Variants in FAF1 observed in about 807,000 individuals in gnomAD.
FAF1 encodes the protein Fas associated factor 1.
Under a neutral mutation model 92.5 loss-of-function variants are expected in FAF1, and 25 were observed. The ratio of observed to expected loss-of-function variants is 0.27; its 90% CI spans 0.20 to 0.38. The LOEUF is 0.38. Ranked by LOEUF, FAF1 falls within the 10% of genes least tolerant of loss-of-function variation. The pLI, the probability that FAF1 is intolerant of heterozygous loss-of-function variation, is 1.00. For synonymous variants in FAF1, 234 were observed against 273.2 expected, an observed-to-expected ratio of 0.86 and a Z score of 1.42; for missense variants, 636 against 793.3, an observed-to-expected ratio of 0.80 and a Z score of 2.38.
In FAF1 at chr1:50,611,529, A is replaced by G. The variant is rs1333951070; in HGVS notation, c.745-15313T>C. Among the ~76,000 whole-genome samples, 6 of 152,320 alleles carry G rather than the reference A, an allele frequency of 3.9e-5. No homozygotes were observed. The South Asian group carries it at 1.0e-3, about 26-fold the overall frequency. On this transcript the variant is annotated intron_variant, in intron 8 of 18. Coordinates refer to ENST00000396153, the MANE Select transcript of FAF1 (RefSeq NM_007051.3). The stretch of plus-strand genomic sequence containing the variant: ...CTTGAGTTAATTACTTTCTGCGGAT[A>G]GCAGATTTTAAAAATAAATAAGATG...
chr1:50,869,890 T>C (rs899539822), intron 1 of FAF1, among the ~76,000 whole-genome samples: 1 of 152,220 alleles, frequency 6.6e-6, no homozygotes, highest in Non-Finnish European at 1.5e-5. Context: ...TTCTATGATT[T>C]TGGCATCTGC....
chr1:50,784,104 AG>A (rs1345767586), intron 4 of FAF1, among the ~76,000 whole-genome samples: 2 of 152,236 alleles, frequency 1.3e-5, no homozygotes, highest in African/African-American at 4.8e-5. Flanking sequence ...AAGAACTAAA[AG>A]GTTTTCTTCT....
At chr1:50,804,266 G>GAAA (rs1194427428) in intron 2 of FAF1, among the ~76,000 whole-genome samples, 1 of 152,074 alleles carries the variant, frequency 6.6e-6, no homozygotes, top group Non-Finnish European at 1.5e-5. Flanking sequence ...AAAAGTAACT[G>GAAA]AAAAATCACA....
At chr1:50,588,227 C>T (rs1438966495) in intron 9 of FAF1, among the ~76,000 whole-genome samples, 1 of 152,168 alleles carries the variant, frequency 6.6e-6, no homozygotes, top group East Asian at 1.9e-4. Flanking sequence ...ATGGAAGTTG[C>T]AGTACGTGCC....
intron 15 of FAF1, among the ~76,000 whole-genome samples, chr1:50,517,624 A>G (rs755732785): frequency 6.6e-6 from 1 of 152,220 alleles, no homozygotes; most frequent in Non-Finnish European, 1.5e-5. Flanking sequence ...TGATACTAGT[A>G]GTCACTGTAC....
At chr1:50,605,774 A>T (rs1290446792) in intron 8 of FAF1, among the ~76,000 whole-genome samples, 3 of 152,152 alleles carry the variant, frequency 2.0e-5, no homozygotes, top group African/African-American at 7.2e-5. Flanking sequence ...ATATGTGCAG[A>T]TTTCTCTTGA....
At chr1:50,535,525 T>C in intron 14 of FAF1, 68 bp from the exon 15 acceptor site, 1 of 862,260 alleles carries the variant, frequency 1.2e-6, no homozygotes, top group Non-Finnish European at 1.8e-6. Flanking sequence ...TATTAAAGTA[T>C]TAGAAACTGG....
At chr1:50,447,275 G>A (rs1346785642) in intron 18 of FAF1, among the ~76,000 whole-genome samples, 2 of 151,902 alleles carry the variant, frequency 1.3e-5, no homozygotes, top group East Asian at 1.9e-4. Context: ...ACAGGTGCCC[G>A]CCACCACGCC....
At chr1:50,906,411 T>A (rs1644839338) in intron 1 of FAF1, among the ~76,000 whole-genome samples, 1 of 152,236 alleles carries the variant, frequency 6.6e-6, no homozygotes, top group Non-Finnish European at 1.5e-5. Flanking sequence ...TCCAATTCTG[T>A]GAAGAAAGTC....
At chr1:50,902,267 G>C (rs1303505428) in intron 1 of FAF1, among the ~76,000 whole-genome samples, 1 of 152,084 alleles carries the variant, frequency 6.6e-6, no homozygotes, top group Admixed American at 6.6e-5. Context: ...TAATATGGTA[G>C]CCACTAACCA....
intron 6 of FAF1, among the ~76,000 whole-genome samples, chr1:50,732,268 G>T: frequency 6.6e-6 from 1 of 151,836 alleles, no homozygotes; most frequent in East Asian, 1.9e-4. Flanking sequence ...GTAGAGACGG[G>T]GTTTCACCAT....
At chr1:50,686,706 C>A (rs1177560441) in intron 7 of FAF1, among the ~76,000 whole-genome samples, 1 of 152,034 alleles carries the variant, frequency 6.6e-6, no homozygotes, top group Non-Finnish European at 1.5e-5. Flanking sequence ...AAAACTGTAT[C>A]CAACATTACA....
intron 8 of FAF1, among the ~76,000 whole-genome samples, chr1:50,650,219 G>A (rs1171560254): frequency 2.0e-5 from 3 of 150,890 alleles, no homozygotes; most frequent in African/African-American, 7.3e-5. Context: ...GGAAAGCAGA[G>A]GCTGCGGTGA....
chr1:50,667,263 T>C (rs767098346), intron 7 of FAF1, among the ~76,000 whole-genome samples: 2 of 152,192 alleles, frequency 1.3e-5, no homozygotes, highest in Non-Finnish European at 2.9e-5. Context: ...TTTTGGCCAA[T>C]GCCTTCTGAG....
intron 7 of FAF1, among the ~76,000 whole-genome samples, chr1:50,658,722 G>A (rs1329053482): frequency 6.6e-6 from 1 of 152,196 alleles, no homozygotes; most frequent in Non-Finnish European, 1.5e-5. Flanking sequence ...AATGCAGACA[G>A]AACTTGGCTG....
At chr1:50,948,002 G>A (rs1012962934) in intron 1 of FAF1, among the ~76,000 whole-genome samples, 1 of 152,072 alleles carries the variant, frequency 6.6e-6, no homozygotes, top group African/African-American at 2.4e-5. Flanking sequence ...AGAGCTGACA[G>A]TACGAGAAAG....
chr1:50,697,422 C>T (rs899549576), intron 7 of FAF1, among the ~76,000 whole-genome samples: 2 of 152,146 alleles, frequency 1.3e-5, no homozygotes, highest in Non-Finnish European at 2.9e-5. Context: ...CATTAACATT[C>T]TCTCTCTGGG....
intron 18 of FAF1, among the ~76,000 whole-genome samples, chr1:50,460,601 ATG>A (rs761777414): frequency 0.029 from 4,314 of 149,164 alleles, 159 homozygotes; most frequent in African/African-American, 0.086. Context: ...ATGTATATAT[ATG>A]TGTGTGTGTG....
chr1:50,765,288 C>T (rs1292949701), intron 4 of FAF1, among the ~76,000 whole-genome samples: 1 of 152,150 alleles, frequency 6.6e-6, no homozygotes, highest in Non-Finnish European at 1.5e-5. Context: ...CATTTAAATG[C>T]CTAAAAAATA....
Sources: allele counts gnomAD v4.1 joint callset (sites outside exome capture counted in the v4.1 genomes callset), GRCh38; gene constraint gnomAD v4.1.1; transcripts MANE v1.5; gene names NCBI Gene and HGNC (gene_info 2026-07-23, HGNC 2026-07-21).